Variants in TMTC1 observed in about 807,000 individuals in gnomAD.
TMTC1 encodes the protein transmembrane O-mannosyltransferase targeting cadherins 1, also known as protein O-mannosyl-transferase TMTC1.
Under a neutral mutation model 104.8 loss-of-function variants are expected in TMTC1, and 73 were observed. That is an observed-to-expected ratio of 0.70 (90% confidence interval 0.58 to 0.85). TMTC1 has a LOEUF of 0.85. Among genes scored for constraint, TMTC1 ranks in the 40% least tolerant of loss-of-function variants. The pLI, the probability that TMTC1 is intolerant of heterozygous loss-of-function variation, is 0.00. For missense variants in TMTC1, 1,035 were observed against 1,096.1 expected (o/e 0.94, Z 0.79); for synonymous variants, 434 against 428.7 (o/e 1.01, Z -0.15).
intron 13 of TMTC1, 24 bp from the exon 14 acceptor site, chr12:29,517,595 G>T: frequency 6.2e-7 from 1 of 1,613,706 alleles, no homozygotes; most frequent in South Asian, 1.1e-5. Flanking sequence ...AAATCTAAAT[G>T]ACATTTCTCT....
At chr12:29,590,772 G>A (rs1204983170) in intron 7 of TMTC1, among the ~76,000 whole-genome samples, 1 of 152,152 alleles carries the variant, frequency 6.6e-6, no homozygotes, top group East Asian at 1.9e-4. Context: ...GTGACAGGGT[G>A]AAACTCCGTC....
chr12:29,754,090 C>G (rs1592013869), intron 4 of TMTC1, among the ~76,000 whole-genome samples: 1 of 151,728 alleles, frequency 6.6e-6, no homozygotes, highest in Admixed American at 6.6e-5. Flanking sequence ...TGGTCTCTAT[C>G]TCCTGATCTC....
intron 1 of TMTC1, among the ~76,000 whole-genome samples, chr12:29,779,610 T>C (rs1226913690): frequency 6.6e-6 from 1 of 152,218 alleles, no homozygotes; most frequent in East Asian, 1.9e-4. Context: ...ATTACATTTA[T>C]TCTTAAGGAA....
At chr12:29,618,278 G>T (rs565676160) in intron 6 of TMTC1, among the ~76,000 whole-genome samples, 1 of 152,272 alleles carries the variant, frequency 6.6e-6, no homozygotes, top group African/African-American at 2.4e-5. Context: ...AAAGTCAAAA[G>T]TTAAATTTCA....
At chr12:29,540,156 A>C (rs376439644) in intron 10 of TMTC1, among the ~76,000 whole-genome samples, 1 of 152,168 alleles carries the variant, frequency 6.6e-6, no homozygotes, top group Non-Finnish European at 1.5e-5. Context: ...CTAGTGAAGC[A>C]CGTGTGGGGA....
chr12:29,691,587 A>G lies in TMTC1; in HGVS notation c.939-58251T>C. 1.4e-5 allele frequency among the ~76,000 whole-genome samples: 2 copies of G among 144,052 alleles called. 1 individual carries two copies. Among genetic ancestry groups the G allele is most frequent in the Non-Finnish European group, 3.0e-5 (2 of 65,922 alleles). The allele number at this position is 144,052 out of a possible 152,430, so 94.5% of individuals were successfully genotyped here. A position where few individuals can be genotyped will look rare whatever the true frequency, so the allele number is the denominator to read the frequency against. On this transcript the variant is annotated intron_variant, in intron 5 of 17. Transcript: ENST00000539277. ...GGTTACAGTGACTGTCAAACTGACC[A>G]TTACCGGAAGCCAAAACTGAGGAAA...
intron 5 of TMTC1, among the ~76,000 whole-genome samples, chr12:29,695,400 T>C (rs1199178850): frequency 1.3e-5 from 2 of 152,042 alleles, no homozygotes; most frequent in East Asian, 3.9e-4. Flanking sequence ...TCCCACTCCC[T>C]GGTTCAAGCG....
chr12:29,776,426 A>C (rs1336549824), intron 1 of TMTC1, among the ~76,000 whole-genome samples: 4 of 152,252 alleles, frequency 2.6e-5, no homozygotes, highest in African/African-American at 9.6e-5. Context: ...TGAGAAAGAA[A>C]GAACAAAGGT....
intron 5 of TMTC1, among the ~76,000 whole-genome samples, chr12:29,719,822 G>A (rs1279238534): frequency 6.6e-6 from 1 of 152,212 alleles, no homozygotes; most frequent in South Asian, 2.1e-4. Flanking sequence ...TACTCACAAA[G>A]TGGATTTTAG....
intron 5 of TMTC1, among the ~76,000 whole-genome samples, chr12:29,662,202 C>G (rs1043760767): frequency 6.6e-6 from 1 of 152,034 alleles, no homozygotes; most frequent in African/African-American, 2.4e-5. Context: ...TTTTTAAATC[C>G]AATTTTTCCT....
intron 5 of TMTC1, among the ~76,000 whole-genome samples, chr12:29,639,870 A>G (rs35624171): frequency 0.057 from 8,640 of 152,328 alleles, 359 homozygotes; most frequent in Non-Finnish European, 0.087. Flanking sequence ...CACAAAAGAA[A>G]AGGAAATCAA....
At chr12:29,547,835 C>T (rs1464296655) in intron 10 of TMTC1, among the ~76,000 whole-genome samples, 3 of 151,968 alleles carry the variant, frequency 2.0e-5, no homozygotes, top group Admixed American at 6.6e-5. Flanking sequence ...TAGGAAGGGT[C>T]GAAGAAGAGC....
At chr12:29,613,309 G>T (rs982315175) in intron 6 of TMTC1, among the ~76,000 whole-genome samples, 1 of 152,204 alleles carries the variant, frequency 6.6e-6, no homozygotes, top group African/African-American at 2.4e-5. Flanking sequence ...TCAGTGGGAG[G>T]CTGTGGCCTG....
intron 2 of TMTC1, among the ~76,000 whole-genome samples, chr12:29,760,655 A>C (rs1943322480): frequency 6.6e-6 from 1 of 152,124 alleles, no homozygotes; most frequent in South Asian, 2.1e-4. Flanking sequence ...GTATAACCTG[A>C]ATATAATCAT....
At chr12:29,573,396 T>C (rs1259772075) in intron 8 of TMTC1, among the ~76,000 whole-genome samples, 2 of 152,166 alleles carry the variant, frequency 1.3e-5, no homozygotes, top group Admixed American at 1.3e-4. Flanking sequence ...CTGAAGTAAA[T>C]GGTACAGTTG....
chr12:29,651,101 G>A (rs1939498997), intron 5 of TMTC1, among the ~76,000 whole-genome samples: 1 of 152,176 alleles, frequency 6.6e-6, no homozygotes, highest in Non-Finnish European at 1.5e-5. Context: ...CTGGCCTCCA[G>A]GTCTGAGCAG....
chr12:29,525,970 C>T (rs530210641), intron 11 of TMTC1, among the ~76,000 whole-genome samples: 1 of 152,252 alleles, frequency 6.6e-6, no homozygotes, highest in East Asian at 1.9e-4. Flanking sequence ...ACTATTACAG[C>T]CATCAGATTT....
chr12:29,508,644 G>C (rs920657413), intron 17 of TMTC1, among the ~76,000 whole-genome samples: 1 of 151,982 alleles, frequency 6.6e-6, no homozygotes, highest in African/African-American at 2.4e-5. Context: ...TGCAATGTCA[G>C]TTCACTGTAA....
intron 10 of TMTC1, among the ~76,000 whole-genome samples, chr12:29,552,086 C>T (rs140059683): frequency 1.2e-4 from 18 of 152,248 alleles, no homozygotes; most frequent in Admixed American, 2.0e-4. Flanking sequence ...GATAGAGTCA[C>T]GTCTTATTTA....
Sources: gnomAD v4.1 joint callset for allele counts (sites outside exome capture counted in the v4.1 genomes callset) on GRCh38, gnomAD v4.1.1 for gene constraint, MANE v1.5 for transcripts, NCBI Gene and HGNC (gene_info 2026-07-23, HGNC 2026-07-21) for gene names.